Variants in JAZF1 observed in about 807,000 individuals in gnomAD.
JAZF1 encodes JAZF zinc finger 1.
JAZF1 carries 8 observed loss-of-function variants against 26.4 expected under a neutral mutation model. The ratio of observed to expected loss-of-function variants is 0.30; its 90% CI spans 0.18 to 0.55. The LOEUF (loss-of-function observed/expected upper bound fraction) is 0.55, where lower values mean the gene tolerates loss of function less well. Among genes scored for constraint, JAZF1 ranks in the 20% least tolerant of loss-of-function variants. The pLI, the probability that JAZF1 is intolerant of heterozygous loss-of-function variation, is 0.94. For missense variants in JAZF1, 199 were observed against 322.0 expected, an observed-to-expected ratio of 0.62 and a Z score of 2.92; for synonymous variants, 126 against 122.3, an observed-to-expected ratio of 1.03 and a Z score of -0.20.
At chr7:28,033,392 A>G (rs1477345238) in intron 1 of JAZF1, among the ~76,000 whole-genome samples, 1 of 152,226 alleles carries the variant, frequency 6.6e-6, no homozygotes, top group Admixed American at 6.5e-5. Flanking sequence ...GGCTCTGATT[A>G]GAAATGAGAC....
chr7:28,009,666 G>T (rs996740919), intron 1 of JAZF1, among the ~76,000 whole-genome samples: 2 of 152,130 alleles, frequency 1.3e-5, no homozygotes, highest in African/African-American at 4.8e-5. Flanking sequence ...TGTATTTTTA[G>T]TAGAGACGGG....
chr7:27,879,043 T>C (rs929135292), intron 3 of JAZF1, among the ~76,000 whole-genome samples: 52 of 152,206 alleles, frequency 3.4e-4, no homozygotes, highest in Admixed American at 6.5e-5. Flanking sequence ...TGTCAATGCA[T>C]AGATGGAGGC....
chr7:27,965,395 T>C (rs924076403), intron 2 of JAZF1, among the ~76,000 whole-genome samples: 1 of 152,240 alleles, frequency 6.6e-6, no homozygotes, highest in Admixed American at 6.5e-5. Flanking sequence ...TAGATACATA[T>C]GTTTTCCTTA....
intron 1 of JAZF1, among the ~76,000 whole-genome samples, chr7:28,154,185 G>C (rs889504416): frequency 1.3e-5 from 2 of 152,182 alleles, no homozygotes; most frequent in African/African-American, 2.4e-5. Flanking sequence ...ATTTAAGAAA[G>C]AATCTGCAAA....
intron 1 of JAZF1, among the ~76,000 whole-genome samples, chr7:28,164,065 T>C (rs1379790458): frequency 1.3e-5 from 2 of 152,218 alleles, no homozygotes; most frequent in African/African-American, 4.8e-5. Context: ...TAGTCCACCA[T>C]GAGAAAACCA....
In JAZF1 at chr7:28,032,115, A is replaced by G. The variant is rs904785226; in HGVS notation, c.116-40134T>C. Among the ~76,000 whole-genome samples the G allele has an allele frequency of 5.3e-5, 8 of 152,200 alleles. No individual in the cohort carries two copies. In the South Asian group the frequency reaches 1.7e-3, roughly 32 times the overall value. On this transcript the variant is annotated intron_variant, in intron 1 of 4. Coordinates refer to ENST00000283928, the MANE Select transcript of JAZF1 (RefSeq NM_175061.4). ...CTTCACAACAAATCTAAAAGTTCTAAAAGTGGTATGATCTATGTTTATAGA... is the reference window on the plus strand; with the variant it reads ...CTTCACAACAAATCTAAAAGTTCTAGAAGTGGTATGATCTATGTTTATAGA...
chr7:28,084,701 T>C (rs1313587410), intron 1 of JAZF1, among the ~76,000 whole-genome samples: 2 of 152,198 alleles, frequency 1.3e-5, no homozygotes, highest in African/African-American at 2.4e-5. Context: ...GAGGGAGACA[T>C]GGAGATGGCC....
At chr7:27,957,223 C>T (rs547877080) in intron 2 of JAZF1, among the ~76,000 whole-genome samples, 1 of 152,314 alleles carries the variant, frequency 6.6e-6, no homozygotes, top group Admixed American at 6.5e-5. Flanking sequence ...CAGTTGGCCA[C>T]ATTTATTCCT....
intron 1 of JAZF1, among the ~76,000 whole-genome samples, chr7:28,178,766 C>T (rs766834761): frequency 6.6e-6 from 1 of 152,156 alleles, no homozygotes; most frequent in African/African-American, 2.4e-5. Flanking sequence ...TTAAGACTAC[C>T]AAAACTTGCC....
In JAZF1 at chr7:28,180,588, C is replaced by A. The variant is rs372356910; in HGVS notation, c.-11G>T. 1.9e-6 allele frequency: 3 copies of A among 1,593,932 alleles called. No individual in the cohort carries two copies. Among genetic ancestry groups the A allele is most frequent in the East Asian group, 4.6e-5 (2 of 43,680 alleles). On this transcript the variant is annotated 5_prime_UTR_variant, in exon 1 of 5. Transcript: ENST00000283928. ...GGCGATGCCTGTCATGGTGCTACAT[C>A]GAGAGCCCCCCTGGTGTCGGCTCTG...
chr7:28,013,218 C>G (rs566368925), intron 1 of JAZF1, among the ~76,000 whole-genome samples: 1 of 152,284 alleles, frequency 6.6e-6, no homozygotes, highest in Admixed American at 6.5e-5. Flanking sequence ...TGCTAAGCTC[C>G]CTGGGGACAA....
intron 3 of JAZF1, among the ~76,000 whole-genome samples, chr7:27,888,714 G>A (rs1783914196): frequency 1.3e-5 from 2 of 152,142 alleles, no homozygotes; most frequent in African/African-American, 4.8e-5. Flanking sequence ...AAGATACACA[G>A]GAATATGAAG....
intron 2 of JAZF1, chr7:27,914,905 T>G: frequency 2.2e-6 from 1 of 463,780 alleles, no homozygotes; most frequent in South Asian, 1.6e-5. Flanking sequence ...AGTTTATTCA[T>G]GGCAGTAACC....
intron 3 of JAZF1, chr7:27,842,082 A>T (rs1441915376): frequency 6.6e-6 from 1 of 152,152 alleles, no homozygotes; most frequent in African/African-American, 2.4e-5. Flanking sequence ...ATAGGCATTA[A>T]TAAGATTGTT....
At chr7:28,051,713 C>G (rs540849653) in intron 1 of JAZF1, among the ~76,000 whole-genome samples, 2 of 152,230 alleles carry the variant, frequency 1.3e-5, no homozygotes, top group African/African-American at 4.8e-5. Context: ...GGTTCATATG[C>G]AAACTCCCTA....
intron 2 of JAZF1, among the ~76,000 whole-genome samples, chr7:27,984,213 G>C (rs1785649184): frequency 6.6e-6 from 1 of 152,150 alleles, no homozygotes; most frequent in Admixed American, 6.5e-5. Context: ...CCCATCTCAT[G>C]TGCAGAGACA....
At chr7:27,966,070 T>C (rs1785269977) in intron 2 of JAZF1, among the ~76,000 whole-genome samples, 1 of 152,194 alleles carries the variant, frequency 6.6e-6, no homozygotes, top group East Asian at 1.9e-4. Flanking sequence ...GTAATGTAAT[T>C]AGAAAAAGCT....
rs113392426 is a variant in JAZF1, at chr7:28,119,902, T to C, written c.115+60561A>G. 2.6e-4 allele frequency among the ~76,000 whole-genome samples: 40 copies of C among 152,338 alleles called. 1 individual carries two copies. Among genetic ancestry groups the C allele is most frequent in the African/African-American group, 9.4e-4 (39 of 41,586 alleles). On this transcript the variant is annotated intron_variant, in intron 1 of 4. Coordinates refer to ENST00000283928, the MANE Select transcript of JAZF1 (RefSeq NM_175061.4). ...CATAACTGTAAACATTACCTATACA[T>C]ATATCTGTATCAACAGTTATATTCT...
At chr7:27,927,813 C>T (rs777590812) in intron 2 of JAZF1, among the ~76,000 whole-genome samples, 1 of 152,098 alleles carries the variant, frequency 6.6e-6, no homozygotes, top group Non-Finnish European at 1.5e-5. Flanking sequence ...CTTTAAATCA[C>T]CCCAAATGCT....
Sources: allele counts gnomAD v4.1 joint callset (sites outside exome capture counted in the v4.1 genomes callset), GRCh38; gene constraint gnomAD v4.1.1; transcripts MANE v1.5; gene names NCBI Gene and HGNC (gene_info 2026-07-23, HGNC 2026-07-21).